The following CELF2 variants were observed in gnomAD, a reference collection of about 807,000 sequenced individuals.
CELF2 encodes CUGBP Elav-like family member 2, also known as CUG triplet repeat RNA-binding protein 2.
CELF2 carries 8 observed loss-of-function variants against 62.6 expected under a neutral mutation model. The ratio of observed to expected loss-of-function variants is 0.13; its 90% confidence interval spans 0.07 to 0.23. The LOEUF is 0.23. Ranked by LOEUF, CELF2 falls within the 10% of genes least tolerant of loss-of-function variation. CELF2 has a pLI of 1.00. For synonymous variants in CELF2, 258 were observed against 250.0 expected (o/e 1.03, Z -0.30); for missense variants, 333 against 671.0 (o/e 0.50, Z 5.56).
At position 11,191,077 on chromosome 10, in the gene CELF2, A is replaced by T. The variant is rs769568728; in HGVS notation, c.271+25395A>T. 9.2e-5 allele frequency among the ~76,000 whole-genome samples: 14 copies of T among 152,338 alleles called. No homozygotes were observed. Among genetic ancestry groups the T allele is most frequent in the Non-Finnish European group, 1.6e-4 (11 of 68,034 alleles). On this transcript the variant is annotated intron_variant, in intron 2 of 12. Coordinates refer to ENST00000633077, the MANE Select transcript of CELF2 (RefSeq NM_001326342.2). This position sits in a 1 kb window ranked among gnomAD's most constrained non-coding sequence, Gnocchi z 4.1. ...TAGAAGTAAATTAGGGTTTAAATCC[A>T]GTTCCCTGAGGTTGGGCAAGCTGCT...
At chr10:10,830,276 CT>C in intron 1 of CELF2, among the ~76,000 whole-genome samples, 1 of 91,744 alleles carries the variant, frequency 1.1e-5, no homozygotes, top group South Asian at 3.2e-4. Context: ...CATGGAGTTC[CT>C]TTAAAAAAAA....
At chr10:10,878,413 G>T (rs1287919888) in intron 1 of CELF2, among the ~76,000 whole-genome samples, 2 of 152,134 alleles carry the variant, frequency 1.3e-5, no homozygotes, top group Non-Finnish European at 2.9e-5. Context: ...CTTTGTGTGT[G>T]AATCAGTTTC....
chr10:10,541,093 A>C, the CELF2 span, among the ~76,000 whole-genome samples: 1 of 151,854 alleles, frequency 6.6e-6, no homozygotes, highest in Non-Finnish European at 1.5e-5. Context: ...AATACAAAAA[A>C]TTAGCCGGGC....
chr10:10,508,121 T>TA, the CELF2 span, among the ~76,000 whole-genome samples: 11 of 151,930 alleles, frequency 7.2e-5, no homozygotes, highest in Non-Finnish European at 1.3e-4. Context: ...GACTGGTTTA[T>TA]ACTGGAACTC....
intron 1 of CELF2, among the ~76,000 whole-genome samples, chr10:11,074,783 T>C (rs1413437706): frequency 6.6e-6 from 1 of 152,208 alleles, no homozygotes; most frequent in Non-Finnish European, 1.5e-5. Flanking sequence ...TGGACACAGC[T>C]CTATTCCAAC....
At chr10:10,658,771 A>T in the CELF2 span, among the ~76,000 whole-genome samples, 1 of 151,602 alleles carries the variant, frequency 6.6e-6, no homozygotes, top group Non-Finnish European at 1.5e-5. Flanking sequence ...AGTATTCAAC[A>T]TTTTAACTGG....
At chr10:10,566,903 A>G in the CELF2 span, among the ~76,000 whole-genome samples, 8 of 152,112 alleles carry the variant, frequency 5.3e-5, no homozygotes, top group Non-Finnish European at 1.0e-4. Flanking sequence ...TTAAATTTTT[A>G]TATTTACTCA....
chr10:11,000,268 CACAG>C (rs750277386), intron 2 of CELF2, among the ~76,000 whole-genome samples: 1 of 152,056 alleles, frequency 6.6e-6, no homozygotes, highest in Non-Finnish European at 1.5e-5. Context: ...TCTTTACCTA[CACAG>C]ACATAGTCCT....
chr10:10,962,101 G>A (rs965608321), intron 2 of CELF2, among the ~76,000 whole-genome samples: 3 of 151,586 alleles, frequency 2.0e-5, no homozygotes, highest in Non-Finnish European at 4.4e-5. Context: ...GAGGGAGGAG[G>A]GAGAGAAAGA....
the CELF2 span, among the ~76,000 whole-genome samples, chr10:10,619,404 C>T: frequency 1.3e-5 from 2 of 152,192 alleles, no homozygotes; most frequent in East Asian, 3.9e-4. Context: ...GACCTTGAGT[C>T]TTAGTTTAAA....
At chr10:10,908,682 A>G (rs2063552822) in intron 1 of CELF2, among the ~76,000 whole-genome samples, 1 of 152,218 alleles carries the variant, frequency 6.6e-6, no homozygotes, top group Non-Finnish European at 1.5e-5. Flanking sequence ...GATTCTTTCA[A>G]ATCATATCAG....
chr10:10,795,572 A>G (rs1480706893), upstream of CELF2, among the ~76,000 whole-genome samples: 1 of 152,190 alleles, frequency 6.6e-6, no homozygotes, highest in Non-Finnish European at 1.5e-5. Context: ...ATTGTTGAAG[A>G]TGAATTAATT....
At position 11,290,410 on chromosome 10, in the gene CELF2, G is replaced by A. The variant is rs1417633320; in HGVS notation, c.976+1858G>A. On this transcript the variant is annotated intron_variant, in intron 9 of 12. Transcript: ENST00000633077. This position sits in a 1 kb window ranked among gnomAD's most constrained non-coding sequence, Gnocchi z 4.3. ...GAGTGGGGGCTCTGTGGTGGACCGCGTCCGTTCCAGCCCACGTTGGGAGGA... is the reference window on the plus strand; with the variant it reads ...GAGTGGGGGCTCTGTGGTGGACCGCATCCGTTCCAGCCCACGTTGGGAGGA... Among the ~76,000 whole-genome samples the A allele has an allele frequency of 1.3e-5, 2 of 151,946 alleles. No individual in the cohort carries two copies. The highest frequency in any genetic ancestry group is 2.9e-5 in the Non-Finnish European group (2 of 68,004).
At chr10:10,944,974 G>T (rs866244773) in intron 2 of CELF2, among the ~76,000 whole-genome samples, 9 of 152,114 alleles carry the variant, frequency 5.9e-5, no homozygotes, top group Non-Finnish European at 1.2e-4. Flanking sequence ...GGGAGAAGGG[G>T]GCAGAGTCCC....
chr10:10,819,482 C>T (rs921179624), intron 1 of CELF2, among the ~76,000 whole-genome samples: 1 of 152,068 alleles, frequency 6.6e-6, no homozygotes, highest in African/African-American at 2.4e-5. Flanking sequence ...ATCCAGTGGC[C>T]CACTTTTAAC....
chr10:10,932,259 G>T (rs547863736), intron 2 of CELF2, among the ~76,000 whole-genome samples: 1 of 152,158 alleles, frequency 6.6e-6, no homozygotes, highest in Middle Eastern at 3.2e-3. Context: ...CAAGGTATGC[G>T]GTGGGGAGTG....
chr10:10,611,137 T>C, the CELF2 span, among the ~76,000 whole-genome samples: 1 of 152,004 alleles, frequency 6.6e-6, no homozygotes, highest in African/African-American at 2.4e-5. Context: ...ATCCCCTGAG[T>C]TATTGTGTGG....
rs987873929 is a variant in CELF2, at chr10:10,838,910, C to T, written c.53+40093C>T. Among the ~76,000 whole-genome samples the T allele has an allele frequency of 5.3e-5, 8 of 151,894 alleles. No individual in the cohort carries two copies. In the South Asian group the frequency reaches 1.0e-3, roughly 20 times the overall value. On this transcript the variant is annotated intron_variant, in intron 1 of 13. Coordinates refer to the CELF2 transcript ENST00000636488. Reference sequence around the variant, plus strand: ...ATCCCAGCACTTTGGGAGGCCGAGGCGGGCAGGTCACGAGGTCAGGAGATT... The same window carrying T: ...ATCCCAGCACTTTGGGAGGCCGAGGTGGGCAGGTCACGAGGTCAGGAGATT...
At chr10:10,697,663 G>A in the CELF2 span, among the ~76,000 whole-genome samples, 2 of 152,128 alleles carry the variant, frequency 1.3e-5, no homozygotes, top group African/African-American at 4.8e-5. Context: ...ATGGCAAAAG[G>A]ACGCTAGCTC....
Sources: gnomAD v4.1 joint callset for allele counts (sites outside exome capture counted in the v4.1 genomes callset) on GRCh38, gnomAD v4.1.1 for gene constraint, Gnocchi (gnomAD v3.1) non-coding constraint, MANE v1.5 for transcripts, NCBI Gene and HGNC (gene_info 2026-07-23, HGNC 2026-07-21) for gene names.